ANK1: variants seen among roughly 807,000 people sequenced by gnomAD.
The protein encoded by ANK1 is ankyrin-1.
In ANK1, 51 loss-of-function variants were observed where a neutral mutation model predicts 210.4. The ratio of observed to expected loss-of-function variants is 0.24; its 90% CI spans 0.19 to 0.31. ANK1 has a LOEUF of 0.31. Ranked by LOEUF, ANK1 falls within the 10% of genes least tolerant of loss-of-function variation. ANK1 has a pLI of 1.00. For missense variants in ANK1, 2,051 were observed against 2,504.4 expected (o/e 0.82, Z 3.86); for synonymous variants, 967 against 1,025.9 (o/e 0.94, Z 1.10).
Position 41,694,640 on chromosome 8 carries a change from T to A in ANK1, c.3279A>T (p.Ala1093=). 6.2e-7 allele frequency: 1 copy of A among 1,614,048 alleles called. No homozygotes were observed. The highest frequency in any genetic ancestry group is 1.1e-5 in the South Asian group (1 of 91,080). Residue 1093 remains alanine (A), a synonymous_variant, in exon 28 of 43, where the codon GCA becomes GCT. Transcript: ENST00000289734. This position sits in a 1 kb window ranked among gnomAD's most constrained non-coding sequence, Gnocchi z 5.7. ...LKSKLVPLVQ[A]TFPENAVTKR... ...TGGTGACGGCATTCTCCGGGAACGT[T>A]GCCTGTACCAGGGGCACCAGCTTGC...
chr8:41,701,867 C>A (rs1182262728), intron 21 of ANK1, among the ~76,000 whole-genome samples, 185 bp downstream of exon 21: 1 of 152,240 alleles, frequency 6.6e-6, no homozygotes, highest in East Asian at 1.9e-4. Context: ...CGCCCCTAGT[C>A]CTCGGGCCGC....
chr8:41,762,106 G>A (rs1840618433), intron 1 of ANK1, among the ~76,000 whole-genome samples: 1 of 152,180 alleles, frequency 6.6e-6, no homozygotes, highest in African/African-American at 2.4e-5. Flanking sequence ...TGTTCATGAG[G>A]CACACTCATC....
chr8:41,688,712 C>G, intron 33 of ANK1, 123 bp from the exon 34 acceptor site: 1 of 846,536 alleles, frequency 1.2e-6, no homozygotes, highest in Non-Finnish European at 2.0e-6. Flanking sequence ...ACAATCAGTC[C>G]GTTTCTTCAG....
At chr8:41,661,004 G>A (rs948486384) in intron 42 of ANK1, 10 of 288,042 alleles carry the variant, frequency 3.5e-5, no homozygotes, top group Middle Eastern at 2.5e-3. Context: ...TTTACAGAGT[G>A]CTTTTACTTT....
chr8:41,759,577 A>C (rs1839969365), intron 1 of ANK1, among the ~76,000 whole-genome samples: 1 of 152,222 alleles, frequency 6.6e-6, no homozygotes, highest in African/African-American at 2.4e-5. Flanking sequence ...TTTACAAAGC[A>C]CTTACATTAG....
At chr8:41,895,902 C>CT (rs533918187) in intron 1 of ANK1, among the ~76,000 whole-genome samples, 2 of 127,480 alleles carry the variant, frequency 1.6e-5, no homozygotes, top group African/African-American at 5.9e-5. Flanking sequence ...GGCAGAGCTG[C>CT]CCCCCCCCGG....
chr8:41,688,392 T>G, intron 34 of ANK1, 119 bp downstream of exon 34: 2 of 1,449,428 alleles, frequency 1.4e-6, no homozygotes, highest in Non-Finnish European at 1.9e-6. Context: ...GCAGCTGCTT[T>G]TGGAACTGGC....
At chr8:41,817,320 A>T (rs1803504106) in intron 1 of ANK1, among the ~76,000 whole-genome samples, 1 of 152,168 alleles carries the variant, frequency 6.6e-6, no homozygotes, top group Non-Finnish European at 1.5e-5. Context: ...TAAATGCAAG[A>T]CACTTTTGTT....
At chr8:41,703,774 A>C (rs948690595) in intron 20 of ANK1, among the ~76,000 whole-genome samples, 3 of 151,992 alleles carry the variant, frequency 2.0e-5, no homozygotes, top group South Asian at 2.1e-4. Flanking sequence ...TACAGGTGTA[A>C]GCCACTGCAC....
At chr8:41,861,919 GC>G (rs1284260438) in intron 1 of ANK1, among the ~76,000 whole-genome samples, 1 of 152,110 alleles carries the variant, frequency 6.6e-6, no homozygotes, top group African/African-American at 2.4e-5. Flanking sequence ...ACCTCCGCAC[GC>G]CTCCTCTTGC....
chr8:41,869,237 G>A (rs755717108), intron 1 of ANK1, among the ~76,000 whole-genome samples: 2 of 152,190 alleles, frequency 1.3e-5, no homozygotes, highest in Admixed American at 6.5e-5. Flanking sequence ...TCTGACTCAG[G>A]ACTGGCAGGA....
At chr8:41,769,708 G>A (rs991242674) in intron 1 of ANK1, among the ~76,000 whole-genome samples, 2 of 151,992 alleles carry the variant, frequency 1.3e-5, no homozygotes, top group Non-Finnish European at 2.9e-5. Context: ...TGAAACCATG[G>A]CCACATAAGA....
intron 1 of ANK1, among the ~76,000 whole-genome samples, chr8:41,873,953 C>A (rs1052439668): frequency 1.3e-5 from 2 of 152,222 alleles, no homozygotes; most frequent in African/African-American, 4.8e-5. Context: ...AACACCCTCC[C>A]CCTACACACA....
chr8:41,670,196 C>T (rs1022056859), intron 38 of ANK1, among the ~76,000 whole-genome samples: 6 of 152,064 alleles, frequency 3.9e-5, no homozygotes, highest in Non-Finnish European at 7.4e-5. Context: ...GCTAGAACCA[C>T]GCTTCTTGCA....
At chr8:41,769,290 C>T (rs1441351123) in intron 1 of ANK1, among the ~76,000 whole-genome samples, 3 of 152,264 alleles carry the variant, frequency 2.0e-5, no homozygotes, top group Non-Finnish European at 4.4e-5. Context: ...GTAAGTCACA[C>T]AGCCCCTTCC....
At chr8:41,756,187 G>A (rs958691966) in intron 2 of ANK1, among the ~76,000 whole-genome samples, 3 of 152,076 alleles carry the variant, frequency 2.0e-5, no homozygotes, top group African/African-American at 7.2e-5. Context: ...CTGTTGCCCA[G>A]GCTGGAGTGT....
chr8:41,830,515 CAATT>C lies in ANK1; in HGVS notation c.126+65836_126+65839del, dbSNP rs1441656992. Among the ~76,000 whole-genome samples the C allele has an allele frequency of 3.9e-5, 6 of 152,116 alleles. 1 individual carries two copies. The South Asian group carries it at 8.3e-4, about 21-fold the overall frequency. On this transcript the variant is annotated intron_variant, in intron 1 of 42. Coordinates refer to the ANK1 transcript ENST00000265709. ...TACATAACAATGACAGCATGAATAA[CAATT>C]AATCCTCCATTGAAATGTTCAAAAG...
Position 41,690,572 on chromosome 8 carries a change from C to T in ANK1, c.3886G>A (p.Glu1296Lys). 1 of 1,613,768 alleles carries T rather than the reference C, an allele frequency of 6.2e-7. No homozygotes were observed. Among genetic ancestry groups the T allele is most frequent in the Non-Finnish European group, 8.5e-7 (1 of 1,179,950 alleles). ...EVLEGMSLFA[E>K]LSGNLVPVKK... ...ACAGGCACCAGGTTCCCAGAGAGTT[C>T]TGCAAACAGGGACATTCCTTCCAAC... The change falls in exon 32 of 43, where the codon GAA (glutamate) becomes AAA (lysine). Residue 1296 changes from glutamate to lysine, a missense_variant. Around this residue, in one of 6 missense-constraint regions of ANK1, gnomAD observed 1,413 missense variants for 1,707.4 expected, o/e 0.83. Coordinates refer to ENST00000289734, the MANE Select transcript of ANK1 (RefSeq NM_000037.4).
chr8:41,794,949 C>A (rs1301503883), intron 1 of ANK1, among the ~76,000 whole-genome samples: 1 of 152,144 alleles, frequency 6.6e-6, no homozygotes, highest in Non-Finnish European at 1.5e-5. Flanking sequence ...CATGATCCAC[C>A]TGCCTTGGCC....
Sources: allele counts gnomAD v4.1 joint callset (sites outside exome capture counted in the v4.1 genomes callset), GRCh38; gene constraint gnomAD v4.1.1; regional missense constraint gnomAD v4.1.1; non-coding constraint Gnocchi (gnomAD v3.1); transcripts MANE v1.5; gene names NCBI Gene and HGNC (gene_info 2026-07-23, HGNC 2026-07-21).